Variants in AFG2A observed in about 807,000 individuals in gnomAD.
AFG2A encodes ATPase family gene 2 protein homolog A.
At chr4:122,951,433 T>TACACAC in the AFG2A span, among the ~76,000 whole-genome samples, 82,382 of 148,392 alleles carry the variant, frequency 0.56, 26,286 homozygotes, top group East Asian at 0.8. Context: ...TTTTCCAAAG[T>TACACAC]ACACACACAC....
At chr4:123,051,685 C>G in the AFG2A span, among the ~76,000 whole-genome samples, 3 of 134,656 alleles carry the variant, frequency 2.2e-5, no homozygotes, top group Non-Finnish European at 4.6e-5. Context: ...TTTATCTGGC[C>G]TTTATTTCTG....
chr4:123,195,222 C>T, the AFG2A span, among the ~76,000 whole-genome samples: 4 of 152,146 alleles, frequency 2.6e-5, no homozygotes, highest in South Asian at 4.1e-4. Flanking sequence ...TCCCTTTTCT[C>T]GAAGTTATTT....
the AFG2A span, among the ~76,000 whole-genome samples, chr4:123,214,315 T>C: frequency 6.6e-6 from 1 of 152,106 alleles, no homozygotes; most frequent in Non-Finnish European, 1.5e-5. Flanking sequence ...TGTGGGACAA[T>C]AGTAACACAA....
chr4:123,234,941 A>C, the AFG2A span, among the ~76,000 whole-genome samples: 1 of 152,162 alleles, frequency 6.6e-6, no homozygotes, highest in African/African-American at 2.4e-5. Context: ...TGTTGTGCAG[A>C]TTAAAGGAGT....
chr4:123,137,893 C>T, the AFG2A span, among the ~76,000 whole-genome samples: 1 of 152,102 alleles, frequency 6.6e-6, no homozygotes, highest in Non-Finnish European at 1.5e-5. Flanking sequence ...TTTTCACAGT[C>T]TACTTAGAGT....
At chr4:123,150,313 T>C in the AFG2A span, among the ~76,000 whole-genome samples, 1 of 152,176 alleles carries the variant, frequency 6.6e-6, no homozygotes, top group African/African-American at 2.4e-5. Context: ...CGTATTTAAA[T>C]AGGAAGAGAG....
chr4:123,188,203 T>G, the AFG2A span, among the ~76,000 whole-genome samples: 1 of 152,104 alleles, frequency 6.6e-6, no homozygotes, highest in African/African-American at 2.4e-5. Flanking sequence ...TATTTTAGTA[T>G]TGCCTCCTTA....
chr4:123,135,771 C>G, the AFG2A span, among the ~76,000 whole-genome samples: 1 of 152,212 alleles, frequency 6.6e-6, no homozygotes, highest in Non-Finnish European at 1.5e-5. Flanking sequence ...ACTTGAGCAT[C>G]CATGGAGTTT....
At chr4:123,085,865 TTTTG>T in the AFG2A span, among the ~76,000 whole-genome samples, 18 of 152,210 alleles carry the variant, frequency 1.2e-4, no homozygotes, top group African/African-American at 2.9e-4. Flanking sequence ...TTTTGGGTTT[TTTTG>T]TTTGTTTGTT....
the AFG2A span, among the ~76,000 whole-genome samples, chr4:122,976,721 C>T: frequency 2.0e-5 from 3 of 152,294 alleles, no homozygotes; most frequent in African/African-American, 7.2e-5. Context: ...ACATTTCCAA[C>T]TGCCACCTGA....
chr4:123,126,561 G>A, the AFG2A span, among the ~76,000 whole-genome samples: 1 of 152,168 alleles, frequency 6.6e-6, no homozygotes, highest in Admixed American at 6.5e-5. Context: ...GGAGAGACCT[G>A]GTGGGAGGTA....
the AFG2A span, among the ~76,000 whole-genome samples, chr4:123,129,875 A>G: frequency 1.3e-5 from 2 of 151,898 alleles, no homozygotes; most frequent in African/African-American, 4.8e-5. Context: ...GTTCTAAATT[A>G]TATATATAAT....
the AFG2A span, among the ~76,000 whole-genome samples, chr4:123,233,132 G>C: frequency 2.0e-5 from 3 of 152,072 alleles, no homozygotes; most frequent in Admixed American, 2.0e-4. Flanking sequence ...TTAATCGCAT[G>C]ACCCACGTGA....
At chr4:123,005,011 G>A in the AFG2A span, among the ~76,000 whole-genome samples, 1 of 152,038 alleles carries the variant, frequency 6.6e-6, no homozygotes, top group East Asian at 1.9e-4. Flanking sequence ...GTCATTCATA[G>A]TATTTCCTTA....
the AFG2A span, chr4:123,028,416 A>T: frequency 1.2e-6 from 2 of 1,605,492 alleles, no homozygotes; most frequent in Non-Finnish European, 1.7e-6. Context: ...AAATTTTTTA[A>T]TCGCTACTCT....
chr4:123,152,937 A>G, the AFG2A span, among the ~76,000 whole-genome samples: 1 of 152,252 alleles, frequency 6.6e-6, no homozygotes, highest in Admixed American at 6.5e-5. Context: ...AATAGCTAAC[A>G]TTTATTGAAT....
the AFG2A span, among the ~76,000 whole-genome samples, chr4:123,115,175 T>C: frequency 6.6e-6 from 1 of 150,384 alleles, no homozygotes; most frequent in African/African-American, 2.5e-5. Flanking sequence ...TGCCGCAAGT[T>C]CCCCCTGTGG....
the AFG2A span, among the ~76,000 whole-genome samples, chr4:122,944,608 G>A: frequency 1.3e-5 from 2 of 152,144 alleles, no homozygotes; most frequent in Admixed American, 6.5e-5. Context: ...GGAGTAGTTT[G>A]ATCGTCTGAA....
the AFG2A span, among the ~76,000 whole-genome samples, chr4:123,160,488 G>T: frequency 6.6e-6 from 1 of 152,096 alleles, no homozygotes; most frequent in Non-Finnish European, 1.5e-5. Context: ...GGTATTCTGT[G>T]ATAACCTGTC....
Sources: gnomAD v4.1 joint callset for allele counts (sites outside exome capture counted in the v4.1 genomes callset) on GRCh38, gnomAD v4.1.1 for gene constraint, MANE v1.5 for transcripts, NCBI Gene and HGNC (gene_info 2026-07-23, HGNC 2026-07-21) for gene names.